The following EPS8 variants were observed in gnomAD, a reference collection of about 807,000 sequenced individuals.
The protein encoded by EPS8 is epidermal growth factor receptor kinase substrate 8.
EPS8 carries 42 observed loss-of-function variants against 103.8 expected under a neutral mutation model. The observed-to-expected ratio is 0.40, with a 90% CI of 0.32 to 0.52. The LOEUF is 0.52. EPS8 is among the 20% of genes least tolerant of loss of function. The pLI is 0.40. For synonymous variants in EPS8, 344 were observed against 344.6 expected (o/e 1.00, Z 0.02); for missense variants, 969 against 1,005.1 (o/e 0.96, Z 0.49).
At chr12:15,681,538 C>G (rs1946007095) in intron 2 of EPS8, among the ~76,000 whole-genome samples, 1 of 151,650 alleles carries the variant, frequency 6.6e-6, no homozygotes, top group Admixed American at 6.6e-5. Context: ...CGTGACCAGC[C>G]TGACCAACAT....
At chr12:15,739,994 C>G (rs1337616499) in intron 1 of EPS8, among the ~76,000 whole-genome samples, 1 of 152,000 alleles carries the variant, frequency 6.6e-6, no homozygotes, top group East Asian at 1.9e-4. Context: ...CTCTGACACA[C>G]AGGGACTCAG....
chr12:15,666,598 G>GGATT (rs1469824057), intron 6 of EPS8, 76 bp from the exon 7 acceptor site: 5 of 1,037,808 alleles, frequency 4.8e-6, no homozygotes, highest in Non-Finnish European at 7.4e-6. Flanking sequence ...ACAGAAAAAG[G>GGATT]GATTGTTCCT....
rs895061355 is a variant in EPS8, at chr12:15,769,904, C to G, written c.-22+19257G>C. 4.0e-5 allele frequency among the ~76,000 whole-genome samples: 6 copies of G among 151,744 alleles called. No individual in the cohort carries two copies. Among genetic ancestry groups the G allele is most frequent in the African/African-American group, 1.5e-4 (6 of 41,316 alleles). On this transcript the variant is annotated intron_variant, in intron 1 of 20. Coordinates refer to ENST00000281172, the MANE Select transcript of EPS8 (RefSeq NM_004447.6). The surrounding 1 kb of genome is among the most constrained non-coding windows in gnomAD (Gnocchi z 4.6). ...AATAATACCCAAAATAGTTCCAGTG[C>G]CACAATTATTTGTAATTTTCATGTT... is the stretch of plus-strand genomic sequence containing the variant.
At chr12:15,712,086 T>TTA (rs1218427049) in intron 1 of EPS8, among the ~76,000 whole-genome samples, 2 of 152,188 alleles carry the variant, frequency 1.3e-5, no homozygotes, top group Non-Finnish European at 2.9e-5. Context: ...TTATAGATCT[T>TTA]TATATATTAT....
At chr12:15,711,401 A>C (rs1166404251) in intron 1 of EPS8, among the ~76,000 whole-genome samples, 1 of 152,176 alleles carries the variant, frequency 6.6e-6, no homozygotes, top group Non-Finnish European at 1.5e-5. Flanking sequence ...TTCCTCTTAT[A>C]TACAATTTGC....
At position 15,702,620 on chromosome 12, in the gene EPS8, G is replaced by A. The variant is rs1946324671; in HGVS notation, c.-21-19648C>T. ...TACCTATCTCTAAAACATATATCCA[G>A]TATATTAAATATGAAGAAAAAAATT... is the stretch of plus-strand genomic sequence containing the variant. On this transcript the variant is annotated intron_variant, in intron 1 of 20. Coordinates refer to ENST00000281172, the MANE Select transcript of EPS8 (RefSeq NM_004447.6). The surrounding 1 kb of genome is among the most constrained non-coding windows in gnomAD (Gnocchi z 5.1). Among the ~76,000 whole-genome samples, 1 of 151,652 alleles carries A rather than the reference G, an allele frequency of 6.6e-6. No individual in the cohort carries two copies. The highest frequency in any genetic ancestry group is 2.4e-5 in the African/African-American group (1 of 41,188).
At chr12:15,655,557 T>A (rs908533356) in intron 12 of EPS8, among the ~76,000 whole-genome samples, 1 of 152,180 alleles carries the variant, frequency 6.6e-6, no homozygotes, top group African/African-American at 2.4e-5. Context: ...GAACAAAACC[T>A]ACCCTGCCTA....
In EPS8 at chr12:15,669,445, C is replaced by G; in HGVS notation, c.458G>C (p.Cys153Ser). The G allele has an allele frequency of 6.2e-7, 1 of 1,614,048 alleles. No individual in the cohort carries two copies. Residue 153 changes from cysteine (C) to serine (S), a missense_variant, in exon 6 of 21, where the codon TGC becomes TCC. Cys to Ser is a moderately radical substitution (Grantham distance 112). Transcript: ENST00000281172. ...TGGCTTGTTCTGGGTTGGCTCTTTG[C>G]ACACCAGTGCAAGAACTGAATCATA... ...CSYDSVLALV[C>S]KEPTQNKPDL...
At position 15,785,504 on chromosome 12, in the gene EPS8, T is replaced by C. The variant is rs1947302469; in HGVS notation, c.-22+3657A>G. Among the ~76,000 whole-genome samples the C allele has an allele frequency of 1.3e-5, 2 of 152,138 alleles. No individual in the cohort carries two copies. Among genetic ancestry groups the C allele is most frequent in the Non-Finnish European group, 1.5e-5 (1 of 67,966 alleles). ...GATACCTGTGGTAATGAATTAGCATTACAGATAAAATGTAAATTCATAGTT... is the reference window on the plus strand; with the variant it reads ...GATACCTGTGGTAATGAATTAGCATCACAGATAAAATGTAAATTCATAGTT... On this transcript the variant is annotated intron_variant, in intron 1 of 20. Coordinates refer to ENST00000281172, the MANE Select transcript of EPS8 (RefSeq NM_004447.6). The surrounding 1 kb of genome is among the most constrained non-coding windows in gnomAD (Gnocchi z 4.9).
intron 1 of EPS8, chr12:15,732,846 T>G (rs1412042181): frequency 8.7e-6 from 6 of 691,878 alleles, no homozygotes; most frequent in Non-Finnish European, 1.1e-5. Flanking sequence ...TAATCATTGT[T>G]AAGGCTTTGA....
chr12:15,721,353 A>G lies in EPS8; in HGVS notation c.-21-38381T>C, dbSNP rs1804822337. ...TTAATTGACAAATAAAACCAAATAGATTTTTTTAACTCCAGTAGCTCATCT... is the reference window on the plus strand; with the variant it reads ...TTAATTGACAAATAAAACCAAATAGGTTTTTTTAACTCCAGTAGCTCATCT... On this transcript the variant is annotated intron_variant, in intron 1 of 20. Transcript: ENST00000281172. This position sits in a 1 kb window ranked among gnomAD's most constrained non-coding sequence, Gnocchi z 4.4. 6.6e-6 allele frequency among the ~76,000 whole-genome samples: 1 copy of G among 152,196 alleles called. No homozygotes were observed.
In EPS8 at chr12:15,767,735, G is replaced by A. The variant is rs992563744; in HGVS notation, c.-22+21426C>T. Among the ~76,000 whole-genome samples the A allele has an allele frequency of 6.6e-6, 1 of 152,174 alleles. No homozygotes were observed. Among genetic ancestry groups the A allele is most frequent in the Non-Finnish European group, 1.5e-5 (1 of 68,026 alleles). On this transcript the variant is annotated intron_variant, in intron 1 of 20. Transcript: ENST00000281172. The surrounding 1 kb of genome is among the most constrained non-coding windows in gnomAD (Gnocchi z 5.5). ...TAGAATAAGGAAATTGAAATGGTTG[G>A]TGGCAACAGCTCTCCTTCCAGGAAT... is the stretch of plus-strand genomic sequence containing the variant.
At chr12:15,634,950 G>A (rs139119037) in intron 17 of EPS8, among the ~76,000 whole-genome samples, 2 of 152,180 alleles carry the variant, frequency 1.3e-5, no homozygotes, top group Non-Finnish European at 2.9e-5. Flanking sequence ...TCACTATCTA[G>A]CCATGGAAAA....
chr12:15,763,271 G>C (rs146151643), intron 1 of EPS8, among the ~76,000 whole-genome samples: 54 of 151,858 alleles, frequency 3.6e-4, no homozygotes, highest in African/African-American at 1.3e-3. Flanking sequence ...TATCTGACTG[G>C]GTTCAAACAT....
rs1591887666 is a variant in EPS8 at position 15,713,814 on chromosome 12, C to T, written c.-21-30842G>A. Among the ~76,000 whole-genome samples, 1 of 152,266 alleles carries T rather than the reference C, an allele frequency of 6.6e-6. No homozygotes were observed. The highest frequency in any genetic ancestry group is 1.9e-4 in the East Asian group (1 of 5,184). ...CATATTAAGACTTAAGAGAGCTTGT[C>T]TCTGAGAATCTGGGTGAAGAGGACA... is the stretch of plus-strand genomic sequence containing the variant. On this transcript the variant is annotated intron_variant, in intron 1 of 20. Coordinates refer to ENST00000281172, the MANE Select transcript of EPS8 (RefSeq NM_004447.6). The surrounding 1 kb of genome is among the most constrained non-coding windows in gnomAD (Gnocchi z 4.8).
intron 1 of EPS8, among the ~76,000 whole-genome samples, chr12:15,694,573 A>G (rs113495926): frequency 0.011 from 1,600 of 152,024 alleles, 38 homozygotes; most frequent in African/African-American, 0.037. Context: ...TCCATTCTTT[A>G]TTAATTTTTT....
intron 14 of EPS8, among the ~76,000 whole-genome samples, chr12:15,650,529 A>T (rs539528160): frequency 7.2e-5 from 11 of 152,174 alleles, no homozygotes; most frequent in African/African-American, 2.6e-4. Flanking sequence ...ATCCTAAAAA[A>T]GCTGACTTAG....
At chr12:15,668,391 T>G (rs1945754272) in intron 6 of EPS8, among the ~76,000 whole-genome samples, 1 of 152,192 alleles carries the variant, frequency 6.6e-6, no homozygotes, top group Non-Finnish European at 1.5e-5. Flanking sequence ...TAAAATAAAA[T>G]TACATGGATA....
rs1389736180 is a variant in EPS8, at chr12:15,641,715, A to C, written c.1677+7T>G. On this transcript the variant is annotated splice_region_variant and intron_variant, in intron 16 of 20. Transcript: ENST00000281172. ...TTAAGAGTATAAAAAAGAAAAAATT[A>C]TATTACCTCTAAAATATCATCCTTT... The C allele has an allele frequency of 2.1e-6, 3 of 1,437,714 alleles. No homozygotes were observed. Among genetic ancestry groups the C allele is most frequent in the African/African-American group, 2.9e-5 (2 of 69,360 alleles). The allele number at this position is 1,437,714 out of a possible 1,614,324, so 89.1% of individuals were successfully genotyped here. A position where few individuals can be genotyped will look rare whatever the true frequency, so the allele number is the denominator to read the frequency against.
Sources: allele counts gnomAD v4.1 joint callset (sites outside exome capture counted in the v4.1 genomes callset), GRCh38; gene constraint gnomAD v4.1.1; non-coding constraint Gnocchi (gnomAD v3.1); transcripts MANE v1.5; gene names NCBI Gene and HGNC (gene_info 2026-07-23, HGNC 2026-07-21).